KIF26B: variants seen among roughly 807,000 people sequenced by gnomAD.
The protein encoded by KIF26B is kinesin-like protein KIF26B.
KIF26B carries 63 observed loss-of-function variants against 151.2 expected under a neutral mutation model. The ratio of observed to expected loss-of-function variants is 0.42; its 90% confidence interval spans 0.34 to 0.51. KIF26B has a LOEUF of 0.51. Ranked by LOEUF, KIF26B falls within the 20% of genes least tolerant of loss-of-function variation. The probability of loss-of-function intolerance (pLI) is 0.07; values close to 1 mark genes in which losing one functional copy is unlikely to be tolerated. For synonymous variants in KIF26B, 1,357 were observed against 1,262.1 expected (o/e 1.08, Z -1.59); for missense variants, 2,813 against 2,913.6 (o/e 0.97, Z 0.79).
intron 2 of KIF26B, among the ~76,000 whole-genome samples, chr1:245,271,147 T>C (rs1291191153): frequency 1.3e-5 from 2 of 152,334 alleles, no homozygotes; most frequent in East Asian, 3.9e-4. Context: ...CTGTTTTGAT[T>C]ACAGTAGCTT....
At position 245,495,733 on chromosome 1, in the gene KIF26B, A is replaced by T. The variant is rs767818095; in HGVS notation, c.1167-45034A>T. Among the ~76,000 whole-genome samples the T allele has an allele frequency of 1.3e-5, 2 of 152,222 alleles. No homozygotes were observed. Among genetic ancestry groups the T allele is most frequent in the African/African-American group, 4.8e-5 (2 of 41,468 alleles). ...ATTTAAGAAGCCCTGGCTTGCCCCA[A>T]CCAGGATATACACAGAGAAAACCAC... On this transcript the variant is annotated intron_variant, in intron 4 of 14. Coordinates refer to ENST00000407071, the MANE Select transcript of KIF26B (RefSeq NM_018012.4). This position sits in a 1 kb window ranked among gnomAD's most constrained non-coding sequence, Gnocchi z 4.2.
In KIF26B at chr1:245,318,193, G is replaced by C. The variant is rs1671816123; in HGVS notation, c.466-48641G>C. Among the ~76,000 whole-genome samples, 2 of 152,150 alleles carry C rather than the reference G, an allele frequency of 1.3e-5. No individual in the cohort carries two copies. Among genetic ancestry groups the C allele is most frequent in the Non-Finnish European group, 1.5e-5 (1 of 68,036 alleles). The stretch of plus-strand genomic sequence containing the variant: ...TAGGTTTTAATTCTGGGTCAAATCA[G>C]CAAATGTTTATTAAGTACACACAAC... On this transcript the variant is annotated intron_variant, in intron 2 of 14. Coordinates refer to ENST00000407071, the MANE Select transcript of KIF26B (RefSeq NM_018012.4). This position sits in a 1 kb window ranked among gnomAD's most constrained non-coding sequence, Gnocchi z 4.0.
chr1:245,460,817 G>T (rs532386737), intron 4 of KIF26B, among the ~76,000 whole-genome samples: 1 of 152,346 alleles, frequency 6.6e-6, no homozygotes, highest in Non-Finnish European at 1.5e-5. Context: ...ACCCTGTCCA[G>T]AGTTATTTTG....
chr1:245,518,790 G>T (rs1436854685), intron 4 of KIF26B, among the ~76,000 whole-genome samples: 2 of 152,140 alleles, frequency 1.3e-5, no homozygotes, highest in Admixed American at 1.3e-4. Context: ...TTTCAGAGCT[G>T]GGAGAGACCT....
intron 3 of KIF26B, among the ~76,000 whole-genome samples, chr1:245,394,684 C>CTATTTT (rs1673782124): frequency 8.0e-6 from 1 of 124,400 alleles, no homozygotes; most frequent in Non-Finnish European, 1.5e-5. Flanking sequence ...AAGTTTTTTT[C>CTATTTT]TTTCTTTTTT....
chr1:245,310,027 G>A (rs1003218503), intron 2 of KIF26B, among the ~76,000 whole-genome samples: 1 of 147,254 alleles, frequency 6.8e-6, no homozygotes, highest in Non-Finnish European at 1.5e-5. Flanking sequence ...GAGAGGTCAC[G>A]TGATCTTAGG....
In KIF26B at chr1:245,170,030, T is replaced by C. The variant is rs888297532; in HGVS notation, c.465+13347T>C. 1.3e-5 allele frequency among the ~76,000 whole-genome samples: 2 copies of C among 152,022 alleles called. No homozygotes were observed. Among genetic ancestry groups the C allele is most frequent in the Admixed American group, 6.6e-5 (1 of 15,254 alleles). On this transcript the variant is annotated intron_variant, in intron 2 of 14. Transcript: ENST00000407071. The surrounding 1 kb of genome is among the most constrained non-coding windows in gnomAD (Gnocchi z 4.4). ...GTTTGGTGCCTGTGTACCAAGTAGA[T>C]TTCTGGTGTTTTGAAAAAAAAAATC...
intron 2 of KIF26B, among the ~76,000 whole-genome samples, chr1:245,301,604 T>C (rs965216352): frequency 1.3e-5 from 2 of 152,134 alleles, no homozygotes; most frequent in Non-Finnish European, 2.9e-5. Flanking sequence ...TGGCCCTGTA[T>C]CTTAACTTGT....
intron 3 of KIF26B, among the ~76,000 whole-genome samples, chr1:245,397,460 C>G (rs2103025431): frequency 6.6e-6 from 1 of 152,270 alleles, no homozygotes. Flanking sequence ...AGGTGATCCA[C>G]CCTCCTCCGC....
intron 5 of KIF26B, among the ~76,000 whole-genome samples, chr1:245,591,438 A>G (rs766341759): frequency 6.6e-6 from 1 of 152,190 alleles, no homozygotes; most frequent in Non-Finnish European, 1.5e-5. Flanking sequence ...CAGTACTGTT[A>G]TTATGGCCGA....
intron 2 of KIF26B, among the ~76,000 whole-genome samples, chr1:245,172,488 G>A (rs1254440579): frequency 6.6e-6 from 1 of 152,120 alleles, no homozygotes; most frequent in Non-Finnish European, 1.5e-5. Flanking sequence ...CCAAAGAAAT[G>A]CAGCATTGAC....
chr1:245,267,991 C>T (rs1480363606), intron 2 of KIF26B, among the ~76,000 whole-genome samples: 1 of 152,092 alleles, frequency 6.6e-6, no homozygotes, highest in African/African-American at 2.4e-5. Flanking sequence ...CAGGAAGATC[C>T]TTAAAGACTG....
intron 9 of KIF26B, among the ~76,000 whole-genome samples, chr1:245,624,322 T>C (rs2043699572): frequency 6.6e-6 from 1 of 151,800 alleles, no homozygotes; most frequent in African/African-American, 2.4e-5. Context: ...CTGTACCATA[T>C]AGTAGATGTT....
chr1:245,234,787 C>T (rs556503805), intron 2 of KIF26B, among the ~76,000 whole-genome samples: 1 of 152,284 alleles, frequency 6.6e-6, no homozygotes, highest in South Asian at 2.1e-4. Context: ...AGGGGAGCGC[C>T]GTTTCCAGGC....
rs1463758529 is a variant in KIF26B, at chr1:245,512,593, A to G, written c.1167-28174A>G. 6.6e-6 allele frequency among the ~76,000 whole-genome samples: 1 copy of G among 152,200 alleles called. No individual in the cohort carries two copies. The highest frequency in any genetic ancestry group is 1.5e-5 in the Non-Finnish European group (1 of 68,038). On this transcript the variant is annotated intron_variant, in intron 4 of 14. Transcript: ENST00000407071. The surrounding 1 kb of genome is among the most constrained non-coding windows in gnomAD (Gnocchi z 4.3). ...ACCCGAGGGGATCAGCCTAAACCCA[A>G]ATGAAATCCCCAAACTCCACTCGGA...
At chr1:245,236,732 C>T (rs28550255) in intron 2 of KIF26B, among the ~76,000 whole-genome samples, 2 of 152,040 alleles carry the variant, frequency 1.3e-5, no homozygotes, top group South Asian at 2.1e-4. Flanking sequence ...ATACATGATG[C>T]GGAATCTGAG....
intron 5 of KIF26B, among the ~76,000 whole-genome samples, chr1:245,569,700 G>A (rs910628297): frequency 3.3e-5 from 5 of 151,996 alleles, no homozygotes; most frequent in South Asian, 2.1e-4. Flanking sequence ...GCTGAGGTGG[G>A]AAGATCACTT....
intron 2 of KIF26B, among the ~76,000 whole-genome samples, chr1:245,187,162 G>A (rs1290977527): frequency 1.3e-5 from 2 of 152,100 alleles, no homozygotes; most frequent in Non-Finnish European, 2.9e-5. Context: ...GCCAAGCCAG[G>A]TACTTTTCTA....
chr1:245,611,410 T>C (rs1250845244), intron 8 of KIF26B, among the ~76,000 whole-genome samples: 3 of 152,190 alleles, frequency 2.0e-5, no homozygotes, highest in African/African-American at 7.2e-5. Flanking sequence ...GGACTCAAGA[T>C]GCAGTCACAT....
Sources: allele counts gnomAD v4.1 joint callset (sites outside exome capture counted in the v4.1 genomes callset), GRCh38; gene constraint gnomAD v4.1.1; non-coding constraint Gnocchi (gnomAD v3.1); transcripts MANE v1.5; gene names NCBI Gene and HGNC (gene_info 2026-07-23, HGNC 2026-07-21).